Variants in SMYD3 observed in about 807,000 individuals in gnomAD.
The protein encoded by SMYD3 is histone-lysine N-methyltransferase SMYD3.
A neutral mutation model predicts 57.7 loss-of-function variants in SMYD3; 36 were observed. The ratio of observed to expected loss-of-function variants is 0.62; its 90% CI spans 0.48 to 0.82. The LOEUF (loss-of-function observed/expected upper bound fraction) is 0.82. Ranked by LOEUF, SMYD3 falls within the 40% of genes least tolerant of loss-of-function variation. The pLI, the probability that SMYD3 is intolerant of heterozygous loss-of-function variation, is 0.00. For missense variants in SMYD3, 515 were observed against 538.8 expected (o/e 0.96, Z 0.44); for synonymous variants, 211 against 195.0 (o/e 1.08, Z -0.68).
At chr1:245,800,977 T>C (rs1478837450) in intron 10 of SMYD3, among the ~76,000 whole-genome samples, 1 of 152,214 alleles carries the variant, frequency 6.6e-6, no homozygotes, top group Non-Finnish European at 1.5e-5. Context: ...TGGGGTGTAG[T>C]AATTCTCTGC....
At chr1:246,427,273 C>T (rs893853665) in intron 1 of SMYD3, among the ~76,000 whole-genome samples, 1 of 152,170 alleles carries the variant, frequency 6.6e-6, no homozygotes, top group Admixed American at 6.5e-5. Flanking sequence ...GTAATCCCAG[C>T]ACTTTGGGAG....
At chr1:246,015,577 C>T (rs1265231380) in intron 5 of SMYD3, among the ~76,000 whole-genome samples, 5 of 152,172 alleles carry the variant, frequency 3.3e-5, no homozygotes, top group African/African-American at 1.2e-4. Context: ...AAACTCTGTG[C>T]CCATTAACAA....
chr1:245,820,783 C>T (rs1024647710), intron 10 of SMYD3, among the ~76,000 whole-genome samples: 2 of 150,536 alleles, frequency 1.3e-5, no homozygotes, highest in African/African-American at 2.4e-5. Flanking sequence ...CATGAGTGAA[C>T]TCCCATTCAC....
chr1:246,392,473 T>C (rs890054264), intron 1 of SMYD3, among the ~76,000 whole-genome samples: 4 of 152,158 alleles, frequency 2.6e-5, no homozygotes, highest in African/African-American at 7.2e-5. Flanking sequence ...AGGGGGTTTT[T>C]AGACACAAGA....
intron 1 of SMYD3, among the ~76,000 whole-genome samples, chr1:246,416,437 T>C (rs1179604146): frequency 6.6e-6 from 1 of 152,162 alleles, no homozygotes; most frequent in Non-Finnish European, 1.5e-5. Context: ...ACCACCATTA[T>C]TTTTATGCAG....
At chr1:245,992,447 T>A (rs2058828176) in intron 5 of SMYD3, among the ~76,000 whole-genome samples, 1 of 152,266 alleles carries the variant, frequency 6.6e-6, no homozygotes, top group Admixed American at 6.5e-5. Context: ...TTCCAAAACA[T>A]TTCAACAAAG....
intron 5 of SMYD3, among the ~76,000 whole-genome samples, chr1:246,093,919 A>G (rs1195596204): frequency 1.3e-5 from 2 of 152,148 alleles, no homozygotes; most frequent in Non-Finnish European, 2.9e-5. Context: ...TAGAAACAGA[A>G]CCACACAGCC....
At chr1:246,194,373 G>A (rs1441357427) in intron 5 of SMYD3, among the ~76,000 whole-genome samples, 1 of 151,892 alleles carries the variant, frequency 6.6e-6, no homozygotes, top group Non-Finnish European at 1.5e-5. Flanking sequence ...GGTTCAAGCG[G>A]TTCTCCTGCC....
At chr1:246,054,873 T>TTAAAAAAAA (rs1204385113) in intron 5 of SMYD3, among the ~76,000 whole-genome samples, 3 of 79,112 alleles carry the variant, frequency 3.8e-5, no homozygotes, top group South Asian at 3.9e-4. Context: ...AGGATGACTA[T>TTAAAAAAAA]AAAAAAAAAA....
At chr1:246,474,698 G>C (rs974789571) in intron 1 of SMYD3, among the ~76,000 whole-genome samples, 3 of 152,058 alleles carry the variant, frequency 2.0e-5, no homozygotes, top group Non-Finnish European at 1.5e-5. Context: ...TTACTGCAGA[G>C]GTCAGCAACT....
intron 10 of SMYD3, among the ~76,000 whole-genome samples, chr1:245,827,817 G>A (rs1181224707): frequency 1.3e-5 from 2 of 152,144 alleles, no homozygotes; most frequent in Admixed American, 6.5e-5. Context: ...AGAGATGTGA[G>A]GTCACTCATG....
At chr1:246,407,417 G>A (rs936105999) in intron 1 of SMYD3, among the ~76,000 whole-genome samples, 1 of 152,212 alleles carries the variant, frequency 6.6e-6, no homozygotes, top group Non-Finnish European at 1.5e-5. Flanking sequence ...TCCAATTAGA[G>A]CCGCACATTC....
chr1:246,072,497 T>C (rs879828689), intron 5 of SMYD3, among the ~76,000 whole-genome samples: 8 of 152,248 alleles, frequency 5.3e-5, no homozygotes, highest in Non-Finnish European at 8.8e-5. Context: ...GACTCTTATC[T>C]TGTGGTTGTC....
intron 1 of SMYD3, among the ~76,000 whole-genome samples, chr1:246,492,436 T>C (rs1290407717): frequency 2.6e-5 from 4 of 151,742 alleles, no homozygotes; most frequent in Admixed American, 6.6e-5. Flanking sequence ...GGACAAACGA[T>C]GGATAGGGTA....
chr1:246,231,619 C>T (rs1223425317), intron 5 of SMYD3, among the ~76,000 whole-genome samples: 1 of 152,090 alleles, frequency 6.6e-6, no homozygotes, highest in Non-Finnish European at 1.5e-5. Context: ...AATAACATCA[C>T]GAAACATTTC....
chr1:246,379,170 A>C (rs1417806078), intron 1 of SMYD3, among the ~76,000 whole-genome samples: 6 of 150,160 alleles, frequency 4.0e-5, no homozygotes, highest in Non-Finnish European at 8.9e-5. Context: ...ACCATTTAGC[A>C]ACTGTGTAAT....
chr1:246,282,744 G>T (rs999339754), intron 5 of SMYD3, among the ~76,000 whole-genome samples: 1 of 152,112 alleles, frequency 6.6e-6, no homozygotes, highest in African/African-American at 2.4e-5. Flanking sequence ...TAGCAGATGA[G>T]ACTTCTGCTT....
At chr1:246,412,797 G>T (rs1338495022) in intron 1 of SMYD3, among the ~76,000 whole-genome samples, 4 of 148,430 alleles carry the variant, frequency 2.7e-5, no homozygotes, top group Non-Finnish European at 4.4e-5. Context: ...GGCGGAGGTT[G>T]CTGTGAGCCG....
intron 1 of SMYD3, among the ~76,000 whole-genome samples, chr1:246,395,386 G>T (rs1169010398): frequency 6.6e-6 from 1 of 152,224 alleles, no homozygotes; most frequent in African/African-American, 2.4e-5. Context: ...CATCTCTCAT[G>T]CAGTCCAAGT....
Sources: allele counts gnomAD v4.1 joint callset (sites outside exome capture counted in the v4.1 genomes callset), GRCh38; gene constraint gnomAD v4.1.1; transcripts MANE v1.5; gene names NCBI Gene and HGNC (gene_info 2026-07-23, HGNC 2026-07-21).